Variants in ADARB2 observed in about 807,000 individuals in gnomAD.
The protein encoded by ADARB2 is inactive double-stranded RNA-specific editase B2.
ADARB2 carries 25 observed loss-of-function variants against 62.2 expected under a neutral mutation model. The observed-to-expected ratio is 0.40, with a 90% CI of 0.29 to 0.56. The LOEUF is 0.56. ADARB2 is among the 20% of genes least tolerant of loss of function. The pLI is 0.43. For missense variants in ADARB2, 1,071 were observed against 1,077.4 expected (o/e 0.99, Z 0.08); for synonymous variants, 572 against 500.8 (o/e 1.14, Z -1.90).
intron 1 of ADARB2, among the ~76,000 whole-genome samples, chr10:1,736,294 G>A (rs554244439): frequency 1.1e-4 from 16 of 152,306 alleles, no homozygotes; most frequent in African/African-American, 3.4e-4. Context: ...AAAATCCCCA[G>A]TGTGAAAGCC....
In ADARB2 at chr10:1,376,083, GACAC is replaced by G. The variant is rs149972448; in HGVS notation, c.187+2987_187+2990del. 1.1e-4 allele frequency among the ~76,000 whole-genome samples: 16 copies of G among 149,112 alleles called. No homozygotes were observed. The South Asian group carries it at 2.2e-3, about 20-fold the overall frequency. ...TACCACATGCATGAACACACATCAC[GACAC>G]ACACACACACACGCACATCTTTTTC... On this transcript the variant is annotated intron_variant, in intron 2 of 9. Transcript: ENST00000381312.
intron 1 of ADARB2, among the ~76,000 whole-genome samples, chr10:1,508,552 G>A (rs1180927834): frequency 3.3e-5 from 5 of 152,192 alleles, no homozygotes; most frequent in Admixed American, 6.5e-5. Flanking sequence ...GACCAAGGCC[G>A]GCTGATTGTC....
At chr10:1,242,372 T>C (rs1830934471) in intron 4 of ADARB2, 73 bp from the exon 5 acceptor site, 16 of 1,465,494 alleles carry the variant, frequency 1.1e-5, no homozygotes, top group Non-Finnish European at 1.4e-5. Context: ...CTTTTCAGGG[T>C]CTCACAACAG....
At chr10:1,290,399 A>G (rs569549824) in intron 3 of ADARB2, 1 of 152,430 alleles carries the variant, frequency 6.6e-6, no homozygotes, top group South Asian at 2.1e-4. Flanking sequence ...TTGAAGCCAG[A>G]TGCTGGGGTC....
chr10:1,305,496 C>T (rs1831618527), intron 3 of ADARB2, among the ~76,000 whole-genome samples: 1 of 152,008 alleles, frequency 6.6e-6, no homozygotes, highest in Non-Finnish European at 1.5e-5. Context: ...GGTACCATTC[C>T]TTCTGAAACT....
At chr10:1,622,742 A>G (rs1447536558) in intron 1 of ADARB2, among the ~76,000 whole-genome samples, 2 of 152,242 alleles carry the variant, frequency 1.3e-5, no homozygotes, top group Admixed American at 6.5e-5. Flanking sequence ...TTAGAATGCA[A>G]CAGCTACTTT....
intron 1 of ADARB2, chr10:1,678,405 G>A (rs1287858641): frequency 3.6e-5 from 32 of 878,536 alleles, no homozygotes; most frequent in East Asian, 2.4e-4. Context: ...TGGGGTGAGC[G>A]TCTGCGCACC....
intron 1 of ADARB2, among the ~76,000 whole-genome samples, chr10:1,490,802 T>C (rs551371205): frequency 6.6e-6 from 1 of 152,084 alleles, no homozygotes; most frequent in East Asian, 1.9e-4. Context: ...CCCAAGACAA[T>C]ATACACATGA....
At chr10:1,277,661 A>C (rs2131803073) in intron 3 of ADARB2, among the ~76,000 whole-genome samples, 1 of 152,346 alleles carries the variant, frequency 6.6e-6, no homozygotes, top group South Asian at 2.1e-4. Context: ...TCACAGCCGA[A>C]TTCTACCAGA....
At chr10:1,526,267 G>A (rs1280059037) in intron 1 of ADARB2, among the ~76,000 whole-genome samples, 1 of 152,060 alleles carries the variant, frequency 6.6e-6, no homozygotes, top group Non-Finnish European at 1.5e-5. Flanking sequence ...TGCAGATGGG[G>A]CAGTCATTAA....
intron 1 of ADARB2, among the ~76,000 whole-genome samples, chr10:1,447,779 T>A (rs895990589): frequency 6.6e-6 from 1 of 152,202 alleles, no homozygotes; most frequent in African/African-American, 2.4e-5. Flanking sequence ...CTTTTTCATG[T>A]CCCTGTGTTT....
intron 1 of ADARB2, among the ~76,000 whole-genome samples, chr10:1,572,925 G>A (rs1003443544): frequency 1.3e-5 from 2 of 152,234 alleles, no homozygotes; most frequent in African/African-American, 2.4e-5. Flanking sequence ...CTGCAGCACT[G>A]TAGGCAGGTC....
chr10:1,737,301 C>T lies in ADARB2; in HGVS notation c.-151G>A. ...TCAGGACTGAGCAGGAAAGCGCGCTCCGTCTCTCTGTCTCTCGAATTGTTC... is the reference window on the plus strand; with the variant it reads ...TCAGGACTGAGCAGGAAAGCGCGCTTCGTCTCTCTGTCTCTCGAATTGTTC... On this transcript the variant is annotated 5_prime_UTR_variant, in exon 1 of 10. Coordinates refer to ENST00000381312, the MANE Select transcript of ADARB2 (RefSeq NM_018702.4). 1.4e-6 allele frequency: 1 copy of T among 700,698 alleles called. No homozygotes were observed. Among genetic ancestry groups the T allele is most frequent in the Non-Finnish European group, 2.4e-6 (1 of 421,688 alleles). The allele number at this position is 700,698 out of a possible 1,614,324, so 43.4% of individuals were successfully genotyped here.
intron 1 of ADARB2, among the ~76,000 whole-genome samples, chr10:1,565,428 G>C (rs371605735): frequency 6.6e-6 from 1 of 152,006 alleles, no homozygotes; most frequent in Non-Finnish European, 1.5e-5. Flanking sequence ...TGTCTTCTCC[G>C]GTGCTGTCTA....
intron 3 of ADARB2, among the ~76,000 whole-genome samples, chr10:1,325,366 T>C (rs1831835357): frequency 6.6e-6 from 1 of 152,218 alleles, no homozygotes; most frequent in African/African-American, 2.4e-5. Flanking sequence ...GTGTATTCTA[T>C]GCTCTCACCT....
At position 1,363,070 on chromosome 10, in the gene ADARB2, G is replaced by T. The variant is rs372626311; in HGVS notation, c.1035C>A (p.Pro345=). The change falls in exon 3 of 10, where the codon CCC becomes CCA. Residue 345 remains proline (P), a synonymous_variant. Transcript: ENST00000381312. ...ALQELFDIQM[P]GHAPGRARRT... is the part of the protein sequence containing the mutation. ...TCCTGGCCCTGCCGGGCGCGTGGCC[G>T]GGCATCTGGATGTCGAACAGCTCCT... The T allele has an allele frequency of 2.1e-6, 3 of 1,457,858 alleles. No individual in the cohort carries two copies. The highest frequency in any genetic ancestry group is 2.7e-5 in the East Asian group (1 of 36,578). The allele number at this position is 1,457,858 out of a possible 1,614,324, so 90.3% of individuals were successfully genotyped here.
intron 1 of ADARB2, among the ~76,000 whole-genome samples, chr10:1,722,648 ATTC>A (rs964438561): frequency 3.0e-4 from 45 of 152,210 alleles, no homozygotes; most frequent in Non-Finnish European, 5.3e-4. Context: ...TATTTTTTCT[ATTC>A]TTCTCTTGGG....
intron 1 of ADARB2, among the ~76,000 whole-genome samples, chr10:1,612,414 T>C (rs1255870635): frequency 6.6e-6 from 1 of 152,146 alleles, no homozygotes; most frequent in Non-Finnish European, 1.5e-5. Context: ...CGCCGGTGGG[T>C]CAAGCCTATT....
At chr10:1,407,652 C>T (rs1000920483) in intron 1 of ADARB2, among the ~76,000 whole-genome samples, 7 of 152,178 alleles carry the variant, frequency 4.6e-5, no homozygotes, top group Non-Finnish European at 7.4e-5. Context: ...CTGGCAGAGA[C>T]GATCTTCCTG....
Sources: allele counts gnomAD v4.1 joint callset (sites outside exome capture counted in the v4.1 genomes callset), GRCh38; gene constraint gnomAD v4.1.1; transcripts MANE v1.5; gene names NCBI Gene and HGNC (gene_info 2026-07-23, HGNC 2026-07-21).